Variants in CDK5RAP2 observed in about 807,000 individuals in gnomAD.
The protein encoded by CDK5RAP2 is CDK5 regulatory subunit-associated protein 2.
Under a neutral mutation model 232.9 loss-of-function variants are expected in CDK5RAP2, and 147 were observed. The ratio of observed to expected loss-of-function variants is 0.63; its 90% confidence interval spans 0.55 to 0.72. The LOEUF is 0.72. CDK5RAP2 is among the 30% of genes least tolerant of loss of function. The pLI, the probability that CDK5RAP2 is intolerant of heterozygous loss-of-function variation, is 0.00. For missense variants in CDK5RAP2, 2,195 were observed against 2,231.5 expected (o/e 0.98, Z 0.33); for synonymous variants, 833 against 833.7 (o/e 1.00, Z 0.01).
intron 35 of CDK5RAP2, among the ~76,000 whole-genome samples, chr9:120,397,392 TAGA>T (rs1439791160): frequency 1.3e-5 from 2 of 151,526 alleles, no homozygotes; most frequent in Non-Finnish European, 2.9e-5. Flanking sequence ...TAGATCTCTC[TAGA>T]AGATTTTTTT....
At chr9:120,551,796 A>T (rs2042050966) in intron 3 of CDK5RAP2, among the ~76,000 whole-genome samples, 1 of 152,222 alleles carries the variant, frequency 6.6e-6, no homozygotes, top group Admixed American at 6.5e-5. Flanking sequence ...TAACAATTTT[A>T]TATTAGGTAA....
chr9:120,469,301 G>T (rs2037557852), intron 17 of CDK5RAP2, among the ~76,000 whole-genome samples: 1 of 152,094 alleles, frequency 6.6e-6, no homozygotes, highest in South Asian at 2.1e-4. Context: ...CCCCTGATCA[G>T]GTGAGCTCAC....
intron 26 of CDK5RAP2, among the ~76,000 whole-genome samples, chr9:120,422,307 G>C (rs907302879): frequency 1.3e-5 from 2 of 152,168 alleles, no homozygotes; most frequent in Non-Finnish European, 2.9e-5. Context: ...TAAAACATGG[G>C]GTACATCAGG....
chr9:120,496,708 G>A (rs1389645247), intron 12 of CDK5RAP2, among the ~76,000 whole-genome samples: 5 of 129,494 alleles, frequency 3.9e-5, no homozygotes, highest in Non-Finnish European at 7.9e-5. Context: ...CCCCCTGCCC[G>A]GCCAGCCGCC....
At chr9:120,511,869 C>T (rs2040106793) in intron 12 of CDK5RAP2, among the ~76,000 whole-genome samples, 1 of 151,690 alleles carries the variant, frequency 6.6e-6, no homozygotes, top group Admixed American at 6.6e-5. Context: ...TCCCAAGTAG[C>T]TGGGACTACA....
At chr9:120,409,446 C>T in intron 29 of CDK5RAP2, 130 bp from the exon 30 acceptor site, 1 of 744,826 alleles carries the variant, frequency 1.3e-6, no homozygotes, top group South Asian at 1.7e-5. Flanking sequence ...TTTGGCATTC[C>T]AATTATCTTA....
intron 12 of CDK5RAP2, among the ~76,000 whole-genome samples, chr9:120,506,386 G>A (rs1301951202): frequency 6.6e-6 from 1 of 152,232 alleles, no homozygotes; most frequent in Non-Finnish European, 1.5e-5. Context: ...TGATGGAGAT[G>A]TACAAGAAGA....
At chr9:120,467,784 T>C in intron 18 of CDK5RAP2, 76 bp downstream of exon 18, 2 of 1,515,734 alleles carry the variant, frequency 1.3e-6, no homozygotes, top group Non-Finnish European at 1.8e-6. Context: ...GTGCTGGGAT[T>C]ACAGGCGTGA....
chr9:120,531,325 C>T (rs2041144173), intron 7 of CDK5RAP2, among the ~76,000 whole-genome samples: 1 of 151,424 alleles, frequency 6.6e-6, no homozygotes, highest in Admixed American at 6.6e-5. Context: ...GCTAATTAAG[C>T]TCCCCTCCAG....
chr9:120,508,033 GC>G (rs1463970251), intron 12 of CDK5RAP2, among the ~76,000 whole-genome samples: 4 of 141,014 alleles, frequency 2.8e-5, no homozygotes, highest in Non-Finnish European at 4.5e-5. Context: ...GAAAAGCCAA[GC>G]CCTCACACTT....
At chr9:120,397,161 G>A (rs2032540783) in intron 35 of CDK5RAP2, among the ~76,000 whole-genome samples, 1 of 152,052 alleles carries the variant, frequency 6.6e-6, no homozygotes, top group East Asian at 1.9e-4. Context: ...CTGACTTCGG[G>A]GACAGGAATT....
chr9:120,451,120 C>A (rs950344302), intron 21 of CDK5RAP2, among the ~76,000 whole-genome samples: 3 of 152,214 alleles, frequency 2.0e-5, no homozygotes, highest in Non-Finnish European at 4.4e-5. Context: ...AAGCCAATTT[C>A]AAGCTGGAAG....
intron 12 of CDK5RAP2, among the ~76,000 whole-genome samples, chr9:120,492,593 A>T (rs2038962549): frequency 6.6e-6 from 1 of 152,230 alleles, no homozygotes; most frequent in South Asian, 2.1e-4. Context: ...CTAACTTTGT[A>T]ACCAGTTAAC....
At position 120,439,690 on chromosome 9, in the gene CDK5RAP2, A is replaced by C; in HGVS notation, c.3431T>G (p.Ile1144Ser). ...QKHSQCSEAI[I>S]TVLCGTEGAQ... The stretch of plus-strand genomic sequence containing the variant: ...CCCTTCTGTCCCACACAAAACTGTA[A>C]TTATGGCCTCACTGCACTGGGAGTG... Residue 1144 changes from isoleucine to serine, a missense_variant, in exon 24 of 38, where the codon ATT (isoleucine) becomes AGT (serine). By Grantham distance (142) the Ile-to-Ser change is moderately radical. Coordinates refer to ENST00000349780, the MANE Select transcript of CDK5RAP2 (RefSeq NM_018249.6). 6.2e-7 allele frequency: 1 copy of C among 1,614,228 alleles called. No individual in the cohort carries two copies.
intron 12 of CDK5RAP2, among the ~76,000 whole-genome samples, chr9:120,502,426 A>G (rs1005715324): frequency 1.3e-5 from 2 of 152,174 alleles, no homozygotes; most frequent in African/African-American, 2.4e-5. Context: ...CCATATTTTG[A>G]TGTCTGGTTC....
chr9:120,470,082 A>T (rs1339530630), intron 17 of CDK5RAP2, 29 bp downstream of exon 17: 1 of 1,099,564 alleles, frequency 9.1e-7, no homozygotes, highest in East Asian at 2.4e-5. Flanking sequence ...AAAAGAAAAG[A>T]AAAGCACTAA....
At chr9:120,435,513 G>A (rs1236069712) in intron 25 of CDK5RAP2, among the ~76,000 whole-genome samples, 2 of 149,772 alleles carry the variant, frequency 1.3e-5, no homozygotes, top group East Asian at 3.9e-4. Flanking sequence ...GCCTGCTAAA[G>A]GGCCTAGACA....
chr9:120,402,371 G>T (rs971584142), intron 34 of CDK5RAP2, among the ~76,000 whole-genome samples: 8 of 152,190 alleles, frequency 5.3e-5, no homozygotes, highest in African/African-American at 1.4e-4. Flanking sequence ...TTCATGAACA[G>T]AGATAGAATT....
At position 120,439,762 on chromosome 9, in the gene CDK5RAP2, T is replaced by C. The variant is rs781424044; in HGVS notation, c.3359A>G (p.Glu1120Gly). Reference protein sequence around the residue: ...EYLKQKIHDLETELEGYQNFI... With the variant: ...EYLKQKIHDLGTELEGYQNFI... Reference sequence around the variant, plus strand: ...ATTCTGGTAGCCTTCCAGCTCAGTTTCCAAGTCATGGATTTTCTGTTTTAA... The same window carrying C: ...ATTCTGGTAGCCTTCCAGCTCAGTTCCCAAGTCATGGATTTTCTGTTTTAA... The change falls in exon 24 of 38, where the codon GAA becomes GGA. Residue 1120 changes from glutamate to glycine, a missense_variant. Coordinates refer to ENST00000349780, the MANE Select transcript of CDK5RAP2 (RefSeq NM_018249.6). 12 of 1,614,066 alleles carry C rather than the reference T, an allele frequency of 7.4e-6. No homozygotes were observed. The Admixed American group carries it at 1.5e-4, about 20-fold the overall frequency.
Sources: gnomAD v4.1 joint callset for allele counts (sites outside exome capture counted in the v4.1 genomes callset) on GRCh38, gnomAD v4.1.1 for gene constraint, MANE v1.5 for transcripts, NCBI Gene and HGNC (gene_info 2026-07-23, HGNC 2026-07-21) for gene names.